MACROD2: variants seen among roughly 807,000 people sequenced by gnomAD.
MACROD2 encodes ADP-ribose glycohydrolase MACROD2.
In MACROD2, 36 loss-of-function variants were observed where a neutral mutation model predicts 70.4. The ratio of observed to expected loss-of-function variants is 0.51; its 90% CI spans 0.39 to 0.68. The LOEUF is 0.68. Ranked by LOEUF, MACROD2 falls within the 30% of genes least tolerant of loss-of-function variation. The pLI is 0.00. For synonymous variants in MACROD2, 172 were observed against 178.8 expected (o/e 0.96, Z 0.30); for missense variants, 496 against 538.4 (o/e 0.92, Z 0.78).
intron 3 of MACROD2, among the ~76,000 whole-genome samples, chr20:14,203,478 T>A (rs1402520398): frequency 6.6e-6 from 1 of 152,200 alleles, no homozygotes; most frequent in African/African-American, 2.4e-5. Context: ...TGTGTCCTTC[T>A]GTTGATACCT....
chr20:15,649,280 G>A lies in MACROD2; in HGVS notation c.645+149433G>A, dbSNP rs147119431. On this transcript the variant is annotated intron_variant, in intron 8 of 17. Transcript: ENST00000684519. ...CAGTGTTCAAACATTTTATTAAATC[G>A]GATAGCATTGTTATTTCCACATTGT... Among the ~76,000 whole-genome samples the A allele has an allele frequency of 1.6e-4, 22 of 134,402 alleles. No homozygotes were observed. The East Asian group carries it at 3.4e-3, about 21-fold the overall frequency. The allele number at this position is 134,402 out of a possible 152,430, so 88.2% of individuals were successfully genotyped here. A position where few individuals can be genotyped will look rare whatever the true frequency, so the allele number is the denominator to read the frequency against.
chr20:15,583,516 C>A (rs1175339280), intron 8 of MACROD2, among the ~76,000 whole-genome samples: 1 of 152,214 alleles, frequency 6.6e-6, no homozygotes, highest in African/African-American at 2.4e-5. Context: ...ACGTAATCTT[C>A]CAAAGGCTTT....
chr20:14,613,727 T>C (rs1244029797), intron 4 of MACROD2, among the ~76,000 whole-genome samples: 1 of 152,112 alleles, frequency 6.6e-6, no homozygotes, highest in African/African-American at 2.4e-5. Context: ...ATACAGTTAA[T>C]GATCTTAGTG....
chr20:14,840,006 A>C (rs1273530514), intron 5 of MACROD2, among the ~76,000 whole-genome samples: 1 of 150,412 alleles, frequency 6.6e-6, no homozygotes, highest in Admixed American at 6.6e-5. Context: ...CAGCTAGTAT[A>C]TAAAACATCT....
chr20:14,150,731 G>T (rs951358639), intron 3 of MACROD2, among the ~76,000 whole-genome samples: 7 of 152,048 alleles, frequency 4.6e-5, no homozygotes, highest in Admixed American at 1.3e-4. Context: ...AGATAAAAAG[G>T]TAGTAGTTTT....
At chr20:14,215,063 CATATATCTATTCCATCAT>C (rs71190116) in intron 3 of MACROD2, among the ~76,000 whole-genome samples, 126,388 of 134,600 alleles carry the variant, frequency 0.94, 59,559 homozygotes, top group East Asian at 0.98. Context: ...TATATTCCAT[CATATATCTATTCCATCAT>C]ATATATCTAT....
intron 3 of MACROD2, among the ~76,000 whole-genome samples, chr20:14,179,495 T>C (rs1188064924): frequency 2.0e-5 from 3 of 152,212 alleles, no homozygotes; most frequent in Admixed American, 1.3e-4. Context: ...ATTCTGTCTA[T>C]CTACTGTGGC....
chr20:15,752,730 T>A (rs2051291270), intron 8 of MACROD2, among the ~76,000 whole-genome samples: 1 of 152,176 alleles, frequency 6.6e-6, no homozygotes. Context: ...ATCACTTGTA[T>A]ATTTTTTTAT....
At chr20:14,269,091 A>G (rs1268494157) in intron 3 of MACROD2, among the ~76,000 whole-genome samples, 1 of 152,180 alleles carries the variant, frequency 6.6e-6, no homozygotes, top group African/African-American at 2.4e-5. Flanking sequence ...TACATAATCA[A>G]GATTTGGTGA....
At chr20:14,553,408 CT>C (rs34162149) in intron 4 of MACROD2, among the ~76,000 whole-genome samples, 3,194 of 127,832 alleles carry the variant, frequency 0.025, 73 homozygotes, top group African/African-American at 0.069. Context: ...TTCTAGTTAA[CT>C]TTTTTTTTTT....
intron 3 of MACROD2, among the ~76,000 whole-genome samples, chr20:14,439,043 G>C (rs376481111): frequency 4.6e-5 from 7 of 152,148 alleles, no homozygotes; most frequent in Non-Finnish European, 8.8e-5. Flanking sequence ...CAGGTCTTAA[G>C]TGTAGGTCTT....
chr20:15,723,552 T>TC (rs2047237414), intron 8 of MACROD2, among the ~76,000 whole-genome samples: 1 of 152,234 alleles, frequency 6.6e-6, no homozygotes. Context: ...GTAGCCTTTT[T>TC]CAGATTGACT....
intron 3 of MACROD2, among the ~76,000 whole-genome samples, chr20:14,461,034 G>A (rs1169356479): frequency 6.6e-6 from 1 of 151,896 alleles, no homozygotes; most frequent in East Asian, 1.9e-4. Flanking sequence ...GGTAGAATTT[G>A]GCTGTGAATC....
intron 3 of MACROD2, among the ~76,000 whole-genome samples, chr20:14,293,925 C>T (rs756565210): frequency 6.6e-6 from 1 of 151,804 alleles, no homozygotes; most frequent in Non-Finnish European, 1.5e-5. Flanking sequence ...CCTTTTCCAG[C>T]AGCATTGCAT....
intron 8 of MACROD2, among the ~76,000 whole-genome samples, chr20:15,749,485 T>C (rs2051235501): frequency 6.6e-6 from 1 of 152,102 alleles, no homozygotes; most frequent in Non-Finnish European, 1.5e-5. Context: ...GGATATGTAT[T>C]GAATTAAAAA....
rs1474937247 is a variant in MACROD2, at chr20:14,299,174, T to C, written c.272-194305T>C. Among the ~76,000 whole-genome samples, 4 of 152,140 alleles carry C rather than the reference T, an allele frequency of 2.6e-5. No individual in the cohort carries two copies. The East Asian group carries it at 7.7e-4, about 29-fold the overall frequency. On this transcript the variant is annotated intron_variant, in intron 3 of 17. Coordinates refer to ENST00000684519, the MANE Select transcript of MACROD2 (RefSeq NM_001351661.2). ...GAGTCAATTAATACAGACAATTTCATTGTTGTCTTATTTTAAGAAATTGCC... is the reference window on the plus strand; with the variant it reads ...GAGTCAATTAATACAGACAATTTCACTGTTGTCTTATTTTAAGAAATTGCC...
chr20:14,547,275 A>G, intron 4 of MACROD2: 1 of 442,814 alleles, frequency 2.3e-6, no homozygotes, highest in Non-Finnish European at 3.4e-6. Context: ...AGTTATCTAT[A>G]TAATCCTCAT....
At chr20:14,621,999 C>T (rs2123454250) in intron 4 of MACROD2, 1 of 152,142 alleles carries the variant, frequency 6.6e-6, no homozygotes, top group African/African-American at 2.4e-5. Context: ...AAAATAATTC[C>T]TGCTTACCTA....
At chr20:14,617,623 G>C (rs968884366) in intron 4 of MACROD2, among the ~76,000 whole-genome samples, 2 of 152,054 alleles carry the variant, frequency 1.3e-5, no homozygotes. Context: ...CATCATTAGA[G>C]TATTAGAAAT....
Sources: allele counts gnomAD v4.1 joint callset (sites outside exome capture counted in the v4.1 genomes callset), GRCh38; gene constraint gnomAD v4.1.1; transcripts MANE v1.5; gene names NCBI Gene and HGNC (gene_info 2026-07-23, HGNC 2026-07-21).